PTPRK: variants seen among roughly 807,000 people sequenced by gnomAD.
PTPRK encodes the protein receptor-type tyrosine-protein phosphatase kappa.
A neutral mutation model predicts 178.0 loss-of-function variants in PTPRK; 75 were observed. The ratio of observed to expected loss-of-function variants is 0.42; its 90% confidence interval spans 0.35 to 0.51. PTPRK has a LOEUF of 0.51. PTPRK is among the 20% of genes least tolerant of loss of function. The probability of loss-of-function intolerance (pLI) is 0.02; values close to 1 mark genes in which losing one functional copy is unlikely to be tolerated. For missense variants in PTPRK, 1,441 were observed against 1,797.8 expected (o/e 0.80, Z 3.59); for synonymous variants, 637 against 620.6 (o/e 1.03, Z -0.39).
At chr6:128,318,898 T>A (rs1459365822) in intron 3 of PTPRK, among the ~76,000 whole-genome samples, 1 of 152,166 alleles carries the variant, frequency 6.6e-6, no homozygotes, top group Non-Finnish European at 1.5e-5. Context: ...CAGTACTTAT[T>A]TGTGGCCCAT....
intron 7 of PTPRK, among the ~76,000 whole-genome samples, chr6:128,091,958 T>C (rs1214437272): frequency 6.6e-6 from 1 of 152,166 alleles, no homozygotes; most frequent in Admixed American, 6.5e-5. Flanking sequence ...AGTGGGCAAA[T>C]GATTTATTTA....
At chr6:128,265,996 C>T (rs547835787) in intron 3 of PTPRK, among the ~76,000 whole-genome samples, 63 of 152,158 alleles carry the variant, frequency 4.1e-4, no homozygotes, top group Middle Eastern at 3.4e-3. Flanking sequence ...TGTCTATGAA[C>T]GAGAAAATAG....
chr6:128,355,585 G>A (rs946717483), intron 2 of PTPRK, among the ~76,000 whole-genome samples: 11 of 152,006 alleles, frequency 7.2e-5, no homozygotes, highest in African/African-American at 2.7e-4. Flanking sequence ...ACTGGGGAAC[G>A]AAGAAGAAGA....
At chr6:128,180,292 T>C (rs554222459) in intron 7 of PTPRK, among the ~76,000 whole-genome samples, 11 of 151,516 alleles carry the variant, frequency 7.3e-5, no homozygotes, top group African/African-American at 1.7e-4. Context: ...CCAGAGGAAA[T>C]AGACACACAG....
Position 128,356,202 on chromosome 6 carries a change from G to A in PTPRK, c.224-33892C>T, listed in dbSNP as rs553492311. The stretch of plus-strand genomic sequence containing the variant: ...AAACCCCTCTTCTCCTGTTTCTTTA[G>A]TCTACCCCCTTGACTAATCTGGCCC... On this transcript the variant is annotated intron_variant, in intron 2 of 29. Transcript: ENST00000368226. Among the ~76,000 whole-genome samples the A allele has an allele frequency of 3.3e-5, 5 of 151,886 alleles. No homozygotes were observed. In the South Asian group the frequency reaches 8.3e-4, roughly 25 times the overall value.
At chr6:128,270,324 T>A (rs918806568) in intron 3 of PTPRK, among the ~76,000 whole-genome samples, 1 of 152,108 alleles carries the variant, frequency 6.6e-6, no homozygotes, top group African/African-American at 2.4e-5. Flanking sequence ...AGAAAGTATC[T>A]AAAATGGATC....
chr6:128,212,560 A>C (rs943419822), intron 6 of PTPRK, among the ~76,000 whole-genome samples: 1 of 152,090 alleles, frequency 6.6e-6, no homozygotes, highest in Non-Finnish European at 1.5e-5. Flanking sequence ...AAACTTAGAA[A>C]ACGTGTACAG....
Position 128,205,192 on chromosome 6 carries a change from A to G in PTPRK, c.868+13730T>C, listed in dbSNP as rs1806699116. On this transcript the variant is annotated intron_variant, in intron 6 of 29. Transcript: ENST00000368226. Reference sequence around the variant, plus strand: ...AAACCAAACACCACATTCCGCACTTATAAGTGATAGCTGAATAATGAGAAC... The same window carrying G: ...AAACCAAACACCACATTCCGCACTTGTAAGTGATAGCTGAATAATGAGAAC... Among the ~76,000 whole-genome samples, 3 of 152,180 alleles carry G rather than the reference A, an allele frequency of 2.0e-5. No individual in the cohort carries two copies. The South Asian group carries it at 6.2e-4, about 32-fold the overall frequency.
At chr6:128,387,384 A>T (rs1439792126) in intron 2 of PTPRK, among the ~76,000 whole-genome samples, 1 of 152,214 alleles carries the variant, frequency 6.6e-6, no homozygotes, top group African/African-American at 2.4e-5. Flanking sequence ...ATGCAAACAA[A>T]TTTTGTCTAG....
chr6:128,422,013 C>A (rs1044932664), intron 1 of PTPRK, among the ~76,000 whole-genome samples: 3 of 152,188 alleles, frequency 2.0e-5, no homozygotes, highest in Admixed American at 2.0e-4. Flanking sequence ...CAACCAGGAG[C>A]CAACAGAGCT....
chr6:128,481,331 C>CT (rs1375539470), intron 1 of PTPRK, among the ~76,000 whole-genome samples: 2 of 152,066 alleles, frequency 1.3e-5, no homozygotes, highest in African/African-American at 4.8e-5. Flanking sequence ...AATTCTATAT[C>CT]TTTTTTCATA....
intron 6 of PTPRK, among the ~76,000 whole-genome samples, chr6:128,191,716 T>C (rs1554337672): frequency 4.1e-5 from 6 of 147,922 alleles, no homozygotes; most frequent in Non-Finnish European, 7.4e-5. Flanking sequence ...ACTTAATAAA[T>C]CTGAAGCGAA....
intron 1 of PTPRK, among the ~76,000 whole-genome samples, chr6:128,459,789 A>C (rs141137542): frequency 1.9e-4 from 29 of 152,338 alleles, no homozygotes; most frequent in African/African-American, 7.0e-4. Context: ...TTGCATTGCT[A>C]TAAAGAAATA....
intron 25 of PTPRK, among the ~76,000 whole-genome samples, chr6:127,979,769 G>A (rs559396787): frequency 7.9e-5 from 12 of 152,312 alleles, no homozygotes; most frequent in Non-Finnish European, 1.3e-4. Flanking sequence ...GAAATGAACC[G>A]TGGCTTCTAA....
intron 7 of PTPRK, among the ~76,000 whole-genome samples, chr6:128,097,812 G>C (rs1430913394): frequency 6.6e-6 from 1 of 152,074 alleles, no homozygotes. Context: ...ATCTACTTCT[G>C]TAGGATCAAG....
At chr6:128,187,991 A>ATCAG (rs1803067079) in intron 6 of PTPRK, among the ~76,000 whole-genome samples, 1 of 152,186 alleles carries the variant, frequency 6.6e-6, no homozygotes, top group Admixed American at 6.5e-5. Flanking sequence ...ATGAATTTTA[A>ATCAG]TCAGTTCACA....
At chr6:128,085,810 G>A (rs1030768561) in intron 8 of PTPRK, among the ~76,000 whole-genome samples, 1 of 152,198 alleles carries the variant, frequency 6.6e-6, no homozygotes, top group Non-Finnish European at 1.5e-5. Flanking sequence ...GTGGACAAGA[G>A]AGTGTCATAC....
chr6:128,102,870 C>T (rs559868608), intron 7 of PTPRK, among the ~76,000 whole-genome samples: 3 of 152,112 alleles, frequency 2.0e-5, no homozygotes, highest in Non-Finnish European at 2.9e-5. Context: ...GAGAATCATC[C>T]AAAGGCCTTC....
At chr6:128,123,711 T>C (rs1306713773) in intron 7 of PTPRK, among the ~76,000 whole-genome samples, 1 of 152,200 alleles carries the variant, frequency 6.6e-6, no homozygotes, top group Non-Finnish European at 1.5e-5. Context: ...ATTAATTACA[T>C]CATATCTCCT....
Sources: gnomAD v4.1 joint callset for allele counts (sites outside exome capture counted in the v4.1 genomes callset) on GRCh38, gnomAD v4.1.1 for gene constraint, MANE v1.5 for transcripts, NCBI Gene and HGNC (gene_info 2026-07-23, HGNC 2026-07-21) for gene names.